LMNB2: variants seen among roughly 807,000 people sequenced by gnomAD.
LMNB2 encodes lamin-B2.
LMNB2 carries 17 observed loss-of-function variants against 69.3 expected under a neutral mutation model. That is an observed-to-expected ratio of 0.25 (90% CI 0.17 to 0.37). The LOEUF (loss-of-function observed/expected upper bound fraction) is 0.37. Among genes scored for constraint, LMNB2 ranks in the 10% least tolerant of loss-of-function variants. The probability of loss-of-function intolerance (pLI) is 1.00; values close to 1 mark genes in which losing one functional copy is unlikely to be tolerated. For synonymous variants in LMNB2, 397 were observed against 389.3 expected (o/e 1.02, Z -0.23); for missense variants, 789 against 883.6 (o/e 0.89, Z 1.36).
At chr19:2,431,410 G>A in intron 11 of LMNB2, 138 bp downstream of exon 11, 1 of 1,095,972 alleles carries the variant, frequency 9.1e-7, no homozygotes, top group Non-Finnish European at 1.4e-6. Context: ...AACAGCCAAG[G>A]CTGGCTTCAC....
At chr19:2,452,154 T>A (rs1248589921) in intron 1 of LMNB2, among the ~76,000 whole-genome samples, 5 of 151,922 alleles carry the variant, frequency 3.3e-5, no homozygotes. Flanking sequence ...ACGATGCTTG[T>A]ATATGGCGAT....
In LMNB2 at chr19:2,430,917, C is replaced by G; in HGVS notation, c.1857G>C (p.Val619=). The G allele has an allele frequency of 6.2e-7, 1 of 1,604,190 alleles. No individual in the cohort carries two copies. Among genetic ancestry groups the G allele is most frequent in the Non-Finnish European group, 8.5e-7 (1 of 1,171,060 alleles). ...DPRTTSRGCY[V]M is the part of the protein sequence containing the mutation. ...GTGGATGAGGAGTGTGGGTTCACAT[C>G]ACGTAGCAGCCTCTTGAGGTGGTCC... The change falls in exon 12 of 12, where the codon GTG becomes GTC. Residue 619 remains valine (V), a synonymous_variant. Coordinates refer to ENST00000325327, the MANE Select transcript of LMNB2 (RefSeq NM_032737.4).
intron 2 of LMNB2, among the ~76,000 whole-genome samples, chr19:2,439,020 T>C (rs924598761): frequency 1.1e-4 from 17 of 150,228 alleles, no homozygotes; most frequent in African/African-American, 3.9e-4. Flanking sequence ...CCAGTGTGGA[T>C]TGTAGGCACT....
chr19:2,435,133 C>A lies in LMNB2; in HGVS notation c.723G>T (p.Leu241=). 6.2e-7 allele frequency: 1 copy of A among 1,606,562 alleles called. No homozygotes were observed. Among genetic ancestry groups the A allele is most frequent in the Non-Finnish European group, 8.5e-7 (1 of 1,179,666 alleles). ...GCTGCCGGCTGCTGTCCACCTCCAC[C>A]AGGCGCCGCTCGTGCCGCCGCCGCG... ...RETRRRHERR[L]VEVDSSRQQE... Residue 241 remains leucine, a synonymous_variant, in exon 5 of 12, where the codon CTG becomes CTT. Coordinates refer to ENST00000325327, the MANE Select transcript of LMNB2 (RefSeq NM_032737.4).
rs183276448 is a variant in LMNB2, at chr19:2,432,636, C to T, written c.1483-113G>A. 7 of 839,084 alleles carry T rather than the reference C, an allele frequency of 8.3e-6. No homozygotes were observed. The East Asian group carries it at 1.7e-4, about 21-fold the overall frequency. The allele number at this position is 839,084 out of a possible 1,614,324, so 52.0% of individuals were successfully genotyped here. Reference sequence around the variant, plus strand: ...CCCTGGTCACCCCCACCAGCTAGGTCACCCCATTACCCCCATGCCCTGGTC... The same window carrying T: ...CCCTGGTCACCCCCACCAGCTAGGTTACCCCATTACCCCCATGCCCTGGTC... On this transcript the variant is annotated intron_variant, in intron 8 of 11. Transcript: ENST00000325327.
intron 2 of LMNB2, among the ~76,000 whole-genome samples, chr19:2,440,839 T>G (rs1357251863): frequency 6.6e-6 from 1 of 152,134 alleles, no homozygotes; most frequent in African/African-American, 2.4e-5. Flanking sequence ...CAGCCATCCA[T>G]CCATCATCCA....
At position 2,435,042 on chromosome 19, in the gene LMNB2, G is replaced by C; in HGVS notation, c.814C>G (p.Arg272Gly). 1.3e-6 allele frequency: 2 copies of C among 1,586,072 alleles called. No homozygotes were observed. The highest frequency in any genetic ancestry group is 1.7e-6 in the Non-Finnish European group (2 of 1,164,542). The change falls in exon 5 of 12, where the codon CGG (arginine) becomes GGG (glycine). Residue 272 changes from arginine (R) to glycine (G), a missense_variant. This residue lies in a region of LMNB2 where 609 missense variants were observed against 630.9 expected (regional missense o/e 0.97). Coordinates refer to ENST00000325327, the MANE Select transcript of LMNB2 (RefSeq NM_032737.4). ...ELRSQHDEQV[R>G]LYKLELEQTY... ...TGCTCCAGCTCCAGCTTGTAGAGCC[G>C]CACTTGCTCGTCGTGCTGGCTCCGC...
In LMNB2 at chr19:2,443,856, C is replaced by T. The variant is rs1301137505; in HGVS notation, c.401+548G>A. On this transcript the variant is annotated intron_variant, in intron 2 of 11. Coordinates refer to ENST00000325327, the MANE Select transcript of LMNB2 (RefSeq NM_032737.4). The surrounding 1 kb of genome is among the most constrained non-coding windows in gnomAD (Gnocchi z 6.2). ...TCACTGCCAGGCTGAGAGGGGAGATCGTTTCTGCCGATGGACACAGTTGTC... is the reference window on the plus strand; with the variant it reads ...TCACTGCCAGGCTGAGAGGGGAGATTGTTTCTGCCGATGGACACAGTTGTC... Among the ~76,000 whole-genome samples the T allele has an allele frequency of 1.3e-5, 2 of 152,184 alleles. No homozygotes were observed. The highest frequency in any genetic ancestry group is 2.1e-4 in the South Asian group (1 of 4,828).
At position 2,432,417 on chromosome 19, in the gene LMNB2, G is replaced by A. The variant is rs771054060; in HGVS notation, c.1589C>T (p.Thr530Met). The part of the protein sequence containing the change: ...KYILRAGQMV[T>M]VWAAGAGVAH... ...TCGCCCTCCTGCCCCACCACCTACC[G>A]TGACCATCTGGCCGGCGCGCAGGAT... Residue 530 changes from threonine to methionine, a missense_variant and splice_region_variant, in exon 9 of 12, where the codon ACG (threonine) becomes ATG (methionine). Coordinates refer to ENST00000325327, the MANE Select transcript of LMNB2 (RefSeq NM_032737.4). The A allele has an allele frequency of 9.2e-6, 13 of 1,412,324 alleles. No homozygotes were observed. Among genetic ancestry groups the A allele is most frequent in the Middle Eastern group, 2.0e-4 (1 of 5,040 alleles). The allele number at this position is 1,412,324 out of a possible 1,614,324, so 87.5% of individuals were successfully genotyped here. A position where few individuals can be genotyped will look rare whatever the true frequency, so the allele number is the denominator to read the frequency against.
rs1416850119 is a variant in LMNB2, at chr19:2,453,021, T to C, written c.264+3649A>G. ...GGTCATCCTAATGGGGGCTGGGTCA[T>C]CCTCGTGGGGGCTGGGTCATCCTCG... On this transcript the variant is annotated intron_variant, in intron 1 of 11. Transcript: ENST00000325327. The surrounding 1 kb of genome is among the most constrained non-coding windows in gnomAD (Gnocchi z 4.4). 1.3e-5 allele frequency among the ~76,000 whole-genome samples: 1 copy of C among 76,042 alleles called. No individual in the cohort carries two copies. Among genetic ancestry groups the C allele is most frequent in the African/African-American group, 4.9e-5 (1 of 20,392 alleles). The allele number at this position is 76,042 out of a possible 152,430, so 49.9% of individuals were successfully genotyped here. A position where few individuals can be genotyped will look rare whatever the true frequency, so the allele number is the denominator to read the frequency against.
Position 2,432,697 on chromosome 19 carries a change from G to A in LMNB2, c.1483-174C>T, listed in dbSNP as rs149865397. Among the ~76,000 whole-genome samples, 250 of 148,806 alleles carry A rather than the reference G, an allele frequency of 1.7e-3. 2 individuals are homozygous for A. In the East Asian group the frequency reaches 0.022, roughly 13 times the overall value. ...CCTTGTCCCCTGCCTCGTCCTGACC[G>A]GCGGCCCTGTCACCCTGACCCTGGT... On this transcript the variant is annotated intron_variant, in intron 8 of 11. Transcript: ENST00000325327.
chr19:2,438,167 T>G lies in LMNB2; in HGVS notation c.680A>C (p.Glu227Ala). 6.2e-7 allele frequency: 1 copy of G among 1,613,884 alleles called. No individual in the cohort carries two copies. The highest frequency in any genetic ancestry group is 8.5e-7 in the Non-Finnish European group (1 of 1,180,032). The part of the protein sequence containing the change: ...EELDFRKSVF[E>A]EEVRETRRRH... ...GAGGCCAGGCCACTCACTCACCTCC[T>G]CGAACACACTCTTCCGGAAGTCCAG... Residue 227 changes from glutamate to alanine, a missense_variant, in exon 4 of 12, where the codon GAG becomes GCG. Glu to Ala is a moderately radical substitution (Grantham distance 107, BLOSUM62 -1). Around this residue, in one of 3 missense-constraint regions of LMNB2, gnomAD observed 609 missense variants for 630.9 expected, o/e 0.97. Transcript: ENST00000325327.
chr19:2,437,198 A>G (rs1162373715), intron 4 of LMNB2: 1 of 152,496 alleles, frequency 6.6e-6, no homozygotes, highest in Admixed American at 6.5e-5. Flanking sequence ...GTGACAGCAC[A>G]ATTGGTTCTA....
intron 1 of LMNB2, among the ~76,000 whole-genome samples, chr19:2,452,774 C>T (rs1271174629): frequency 2.6e-5 from 4 of 151,952 alleles, no homozygotes; most frequent in Admixed American, 2.0e-4. Context: ...GGCCGCCACA[C>T]ACCAGGATGC....
chr19:2,432,567 T>C lies in LMNB2; in HGVS notation c.1483-44A>G, dbSNP rs753344682. ...ACCTGACCCTCAGCCACCAGGACTG[T>C]GACACCGCCCCCATCGCCCTGGCTG... On this transcript the variant is annotated intron_variant, in intron 8 of 11. Transcript: ENST00000325327. The C allele has an allele frequency of 2.7e-6, 4 of 1,501,052 alleles. No homozygotes were observed. The Admixed American group carries it at 6.7e-5, about 25-fold the overall frequency. The allele number at this position is 1,501,052 out of a possible 1,614,324, so 93.0% of individuals were successfully genotyped here.
Position 2,438,184 on chromosome 19 carries a change from G to C in LMNB2, c.663C>G (p.Phe221Leu). ...TCACCTCCTCGAACACACTCTTCCGGAAGTCCAGCTCCTCCTGCAGGCTCT... is the reference window on the plus strand; with the variant it reads ...TCACCTCCTCGAACACACTCTTCCGCAAGTCCAGCTCCTCCTGCAGGCTCT... Reference protein sequence around the residue: ...RCQSLQEELDFRKSVFEEEVR... With the variant: ...RCQSLQEELDLRKSVFEEEVR... Residue 221 changes from phenylalanine (F) to leucine (L), a missense_variant, in exon 4 of 12, where the codon TTC (phenylalanine) becomes TTG (leucine). By Grantham distance (22) the Phe-to-Leu change is conservative. This residue lies in a region of LMNB2 where 609 missense variants were observed against 630.9 expected (regional missense o/e 0.97). Transcript: ENST00000325327. The C allele has an allele frequency of 6.2e-7, 1 of 1,614,008 alleles. No individual in the cohort carries two copies. The highest frequency in any genetic ancestry group is 8.5e-7 in the Non-Finnish European group (1 of 1,180,034).
At chr19:2,454,651 G>A (rs867599403) in intron 1 of LMNB2, among the ~76,000 whole-genome samples, 8 of 152,248 alleles carry the variant, frequency 5.3e-5, no homozygotes, top group Middle Eastern at 3.4e-3. Flanking sequence ...CCAGATGGGC[G>A]AGTGGGGACT....
rs927874586 is a variant in LMNB2, at chr19:2,443,392, T to C, written c.401+1012A>G. On this transcript the variant is annotated intron_variant, in intron 2 of 11. Transcript: ENST00000325327. This position sits in a 1 kb window ranked among gnomAD's most constrained non-coding sequence, Gnocchi z 6.2. The stretch of plus-strand genomic sequence containing the variant: ...ACCACGCATGGGGGCCCCGGCACTG[T>C]TGGACACAGGGTCCCCGGTCATTCC... Among the ~76,000 whole-genome samples the C allele has an allele frequency of 6.6e-6, 1 of 152,062 alleles. No homozygotes were observed. The highest frequency in any genetic ancestry group is 1.5e-5 in the Non-Finnish European group (1 of 67,982).
intron 1 of LMNB2, among the ~76,000 whole-genome samples, chr19:2,454,362 C>CCTG (rs1186531933): frequency 6.6e-6 from 1 of 151,866 alleles, no homozygotes; most frequent in Non-Finnish European, 1.5e-5. Context: ...CTTCTACCTC[C>CCTG]CTGAAGGCAC....
Sources: allele counts gnomAD v4.1 joint callset (sites outside exome capture counted in the v4.1 genomes callset), GRCh38; gene constraint gnomAD v4.1.1; regional missense constraint gnomAD v4.1.1; non-coding constraint Gnocchi (gnomAD v3.1); transcripts MANE v1.5; gene names NCBI Gene and HGNC (gene_info 2026-07-23, HGNC 2026-07-21).